CHST9: variants seen among roughly 807,000 people sequenced by gnomAD.
CHST9 encodes the protein carbohydrate sulfotransferase 9, also known as GalNAc-4-sulfotransferase 2.
A neutral mutation model predicts 44.4 loss-of-function variants in CHST9; 41 were observed. The ratio of observed to expected loss-of-function variants is 0.92; its 90% CI spans 0.72 to 1.20. CHST9 has a LOEUF of 1.20. CHST9 is among the 50% of genes most tolerant of loss of function. The pLI is 0.00. For synonymous variants in CHST9, 171 were observed against 178.4 expected (o/e 0.96, Z 0.33); for missense variants, 504 against 516.5 (o/e 0.98, Z 0.23).
rs140781865 is a variant in CHST9, at chr18:27,016,288, C to T, written c.202+7828G>A. Among the ~76,000 whole-genome samples the T allele has an allele frequency of 9.8e-4, 149 of 152,288 alleles. 1 individual carries two copies. The highest frequency in any genetic ancestry group is 1.7e-3 in the Non-Finnish European group (118 of 68,022). On this transcript the variant is annotated intron_variant, in intron 4 of 5. Coordinates refer to ENST00000618847, the MANE Select transcript of CHST9 (RefSeq NM_031422.6). ...ACCGCCTCTTTCCTACCTCACTCTACCCGTTTCTCTCCTCTCCTGTTACCT... is the reference window on the plus strand; with the variant it reads ...ACCGCCTCTTTCCTACCTCACTCTATCCGTTTCTCTCCTCTCCTGTTACCT...
chr18:26,969,281 C>A (rs1399848380), intron 4 of CHST9, among the ~76,000 whole-genome samples: 1 of 152,050 alleles, frequency 6.6e-6, no homozygotes, highest in Non-Finnish European at 1.5e-5. Context: ...GGATTACAGG[C>A]GTGAGCCACC....
chr18:27,029,779 TC>T (rs1486062976), intron 3 of CHST9, among the ~76,000 whole-genome samples: 1 of 152,152 alleles, frequency 6.6e-6, no homozygotes, highest in Non-Finnish European at 1.5e-5. Context: ...CCATGTTTTT[TC>T]CCCCAAATAT....
At chr18:27,024,193 A>G in intron 3 of CHST9, 36 bp from the exon 4 acceptor site, 2 of 1,573,222 alleles carry the variant, frequency 1.3e-6, no homozygotes, top group Non-Finnish European at 1.7e-6. Context: ...ATATATTACC[A>G]TCACATCCAA....
At chr18:26,934,017 A>G (rs918839313) in intron 5 of CHST9, among the ~76,000 whole-genome samples, 1 of 152,148 alleles carries the variant, frequency 6.6e-6, no homozygotes, top group African/African-American at 2.4e-5. Flanking sequence ...TGCAAAGGCC[A>G]TCACACGTGA....
At chr18:27,127,946 G>A (rs2058439238) in intron 2 of CHST9, among the ~76,000 whole-genome samples, 1 of 152,162 alleles carries the variant, frequency 6.6e-6, no homozygotes, top group Non-Finnish European at 1.5e-5. Context: ...GAGGTGATCT[G>A]CAGTGACATG....
intron 4 of CHST9, among the ~76,000 whole-genome samples, chr18:26,949,106 G>A (rs2056207077): frequency 6.6e-6 from 1 of 152,162 alleles, no homozygotes; most frequent in South Asian, 2.1e-4. Flanking sequence ...GTGGTGTGGA[G>A]ACGGGTTGAA....
chr18:26,977,933 C>T (rs2056643391), intron 4 of CHST9, among the ~76,000 whole-genome samples: 1 of 151,990 alleles, frequency 6.6e-6, no homozygotes, highest in Non-Finnish European at 1.5e-5. Context: ...AAAAAATTCA[C>T]AGGCTCAGCA....
At chr18:27,110,553 C>A (rs186520000) in intron 2 of CHST9, among the ~76,000 whole-genome samples, 1 of 152,132 alleles carries the variant, frequency 6.6e-6, no homozygotes, top group African/African-American at 2.4e-5. Flanking sequence ...GCTTACTTTA[C>A]AAAGATTATA....
At chr18:27,021,985 T>A (rs966181671) in intron 4 of CHST9, among the ~76,000 whole-genome samples, 8 of 152,002 alleles carry the variant, frequency 5.3e-5, no homozygotes, top group African/African-American at 1.9e-4. Context: ...ATGCCCAGCT[T>A]GTCCCTGTTT....
rs191301296 is a variant in CHST9 at position 27,048,449 on chromosome 18, T to C, written c.160+16A>G. On this transcript the variant is annotated intron_variant, in intron 3 of 5. Transcript: ENST00000618847. ...AATCAGGAAATAAAGCTGGAGCCCA[T>C]TGGACAAAATCTTACCTGAAGTTAC... is the stretch of plus-strand genomic sequence containing the variant. 134 of 1,597,432 alleles carry C rather than the reference T, an allele frequency of 8.4e-5. No individual in the cohort carries two copies. Among genetic ancestry groups the C allele is most frequent in the Admixed American group, 2.6e-4 (15 of 57,836 alleles).
At chr18:27,021,374 A>G (rs2057224426) in intron 4 of CHST9, among the ~76,000 whole-genome samples, 2 of 152,168 alleles carry the variant, frequency 1.3e-5, no homozygotes, top group African/African-American at 2.4e-5. Flanking sequence ...CTCTGAATAG[A>G]AAGGGCGCCA....
chr18:27,073,094 G>A (rs774954125), intron 2 of CHST9, among the ~76,000 whole-genome samples: 41 of 152,134 alleles, frequency 2.7e-4, no homozygotes, highest in Admixed American at 2.0e-4. Context: ...AATTGGCAAT[G>A]GGAATTTTGT....
chr18:27,009,123 T>G (rs1292499667), intron 4 of CHST9, among the ~76,000 whole-genome samples: 1 of 152,170 alleles, frequency 6.6e-6, no homozygotes, highest in Non-Finnish European at 1.5e-5. Flanking sequence ...AATATTTTGT[T>G]GCAATTTGTA....
In CHST9 at chr18:26,917,140, A is replaced by T. The variant is rs374131760; in HGVS notation, c.451T>A (p.Trp151Arg). The T allele has an allele frequency of 6.2e-7, 1 of 1,613,826 alleles. No homozygotes were observed. The highest frequency in any genetic ancestry group is 8.5e-7 in the Non-Finnish European group (1 of 1,179,872). Residue 151 changes from tryptophan to arginine, a missense_variant, in exon 6 of 6, where the codon TGG (tryptophan) becomes AGG (arginine). Physicochemically the swap from Trp to Arg is moderately radical, Grantham distance 101 (BLOSUM62 -3). Coordinates refer to ENST00000618847, the MANE Select transcript of CHST9 (RefSeq NM_031422.6). ...TTTAAAGGGTGAATGTCCACTGGCC[A>T]ATTCATGTTGCTGAACTTGTTAAAA... is the stretch of plus-strand genomic sequence containing the variant. ...TVFNKFSNMN[W>R]PVDIHPLNKS...
chr18:27,074,056 C>A (rs1273324612), intron 2 of CHST9, among the ~76,000 whole-genome samples: 3 of 152,088 alleles, frequency 2.0e-5, no homozygotes, highest in Admixed American at 6.6e-5. Context: ...ATATATTTGG[C>A]AACAAAGTTA....
At chr18:26,977,611 C>G (rs941062676) in intron 4 of CHST9, among the ~76,000 whole-genome samples, 1 of 152,090 alleles carries the variant, frequency 6.6e-6, no homozygotes, top group Non-Finnish European at 1.5e-5. Flanking sequence ...AATTTTCTTT[C>G]CCTATCCATT....
At chr18:26,956,037 C>G (rs567126) in intron 4 of CHST9, among the ~76,000 whole-genome samples, 1 of 151,984 alleles carries the variant, frequency 6.6e-6, no homozygotes, top group Non-Finnish European at 1.5e-5. Context: ...TGATTCACGC[C>G]TATACTCCCA....
At chr18:27,129,167 G>A (rs1236474066) in intron 2 of CHST9, among the ~76,000 whole-genome samples, 2 of 151,338 alleles carry the variant, frequency 1.3e-5, no homozygotes, top group Admixed American at 6.6e-5. Flanking sequence ...TATAAAACAC[G>A]ATAAAACTTT....
Position 27,142,905 on chromosome 18 carries a change from C to A in CHST9, c.-96G>T. The A allele has an allele frequency of 8.5e-7, 1 of 1,174,710 alleles. No homozygotes were observed. The allele number at this position is 1,174,710 out of a possible 1,614,324, so 72.8% of individuals were successfully genotyped here. On this transcript the variant is annotated splice_region_variant and 5_prime_UTR_variant, in exon 2 of 6. Coordinates refer to ENST00000618847, the MANE Select transcript of CHST9 (RefSeq NM_031422.6). ...CTAAGAGCCCAATTCCATAAAGTAA[C>A]CTAGAATTTTAAAAAGAAATCTACA...
Sources: gnomAD v4.1 joint callset for allele counts (sites outside exome capture counted in the v4.1 genomes callset) on GRCh38, gnomAD v4.1.1 for gene constraint, MANE v1.5 for transcripts, NCBI Gene and HGNC (gene_info 2026-07-23, HGNC 2026-07-21) for gene names.